Variants in TNK2 observed in about 807,000 individuals in gnomAD.
TNK2 encodes tyrosine kinase non receptor 2.
TNK2 carries 83 observed loss-of-function variants against 101.8 expected under a neutral mutation model. The ratio of observed to expected loss-of-function variants is 0.82; its 90% CI spans 0.68 to 0.98. TNK2 has a LOEUF of 0.98. TNK2 is among the 50% of genes least tolerant of loss of function. TNK2 has a pLI of 0.00. For missense variants in TNK2, 1,665 were observed against 1,483.2 expected (o/e 1.12, Z -2.01); for synonymous variants, 804 against 633.0 (o/e 1.27, Z -4.06).
intron 1 of TNK2, among the ~76,000 whole-genome samples, chr3:195,891,717 G>A (rs752051520): frequency 1.4e-4 from 22 of 152,098 alleles, no homozygotes; most frequent in Non-Finnish European, 2.2e-4. Context: ...AGGGAGAGCA[G>A]TCTCCAGGGC....
intron 1 of TNK2, chr3:195,895,520 C>T: frequency 7.4e-7 from 1 of 1,352,296 alleles, no homozygotes; most frequent in Non-Finnish European, 9.5e-7. Context: ...GGCCTGCGGC[C>T]ATTCCCTCCT....
At position 195,867,845 on chromosome 3, in the gene TNK2, A is replaced by G. The variant is rs1427575241; in HGVS notation, c.2453T>C (p.Leu818Pro). Reference sequence around the variant, plus strand: ...AGGTGAGCTTGAGAGCCGGGGTGGCAGCGGGGAGCTGCCAGGTGGTACCAG... The same window carrying G: ...AGGTGAGCTTGAGAGCCGGGGTGGCGGCGGGGAGCTGCCAGGTGGTACCAG... ...SPLVPPGSSPLPPRLSSSPGK... is the reference protein window; with the variant it reads ...SPLVPPGSSPPPPRLSSSPGK... Residue 818 changes from leucine (L) to proline (P), a missense_variant, in exon 13 of 16, where the codon CTG becomes CCG. By Grantham distance (98) the Leu-to-Pro change is moderately conservative. This residue lies in a region of TNK2 where 1,136 missense variants were observed against 894.9 expected (regional missense o/e 1.27). Coordinates refer to ENST00000672887, the MANE Select transcript of TNK2 (RefSeq NM_001382273.1). 4 of 1,533,986 alleles carry G rather than the reference A, an allele frequency of 2.6e-6. No homozygotes were observed. The highest frequency in any genetic ancestry group is 2.2e-5 in the Admixed American group (1 of 45,718).
At chr3:195,881,869 G>A (rs1403780712) in intron 6 of TNK2, among the ~76,000 whole-genome samples, 182 bp downstream of exon 6, 1 of 152,130 alleles carries the variant, frequency 6.6e-6, no homozygotes, top group East Asian at 1.9e-4. Flanking sequence ...CCTGGCACGT[G>A]GGCCCTCAAG....
At chr3:195,887,928 G>A (rs948785596) in intron 2 of TNK2, among the ~76,000 whole-genome samples, 13 of 142,996 alleles carry the variant, frequency 9.1e-5, no homozygotes, top group South Asian at 4.4e-4. Context: ...GTGCGTGCAC[G>A]TGTGTGCGCA....
chr3:195,886,873 A>G lies in TNK2; in HGVS notation c.234+104T>C. 1 of 1,298,960 alleles carries G rather than the reference A, an allele frequency of 7.7e-7. No individual in the cohort carries two copies. The highest frequency in any genetic ancestry group is 1.1e-6 in the Non-Finnish European group (1 of 894,488). The allele number at this position is 1,298,960 out of a possible 1,614,324, so 80.5% of individuals were successfully genotyped here. ...TGTACAAAGTGCCGGCAGAACGGCG[A>G]GATTCGACCTGCCGGGGAGCTGGGG... On this transcript the variant is annotated intron_variant, in intron 3 of 15. Transcript: ENST00000672887. The surrounding 1 kb of genome is among the most constrained non-coding windows in gnomAD (Gnocchi z 4.2).
intron 1 of TNK2, chr3:195,895,459 G>A (rs1050997216): frequency 2.1e-6 from 3 of 1,404,856 alleles, no homozygotes; most frequent in South Asian, 1.6e-5. Flanking sequence ...AGCCCCCATA[G>A]CCTCATCCGC....
Position 195,868,708 on chromosome 3 carries a change from T to C in TNK2, c.1590A>G (p.Lys530=). Residue 530 remains lysine, a splice_region_variant and synonymous_variant, in exon 13 of 16, where the codon AAA becomes AAG. Coordinates refer to ENST00000672887, the MANE Select transcript of TNK2 (RefSeq NM_001382273.1). ...RPPQPAFFTQ[K]PTYDPVSEDQ... ...CCTCGCTCACAGGGTCATAGGTTGG[T>C]TCTGTGATGGAAAGGGAGAGCCCAA... 12 of 1,559,432 alleles carry C rather than the reference T, an allele frequency of 7.7e-6. No homozygotes were observed. Among genetic ancestry groups the C allele is most frequent in the Non-Finnish European group, 6.0e-6 (7 of 1,162,634 alleles).
chr3:195,875,638 A>C (rs1748668950), intron 9 of TNK2, among the ~76,000 whole-genome samples: 2 of 130,998 alleles, frequency 1.5e-5, no homozygotes, highest in Admixed American at 1.5e-4. Flanking sequence ...CCTTCCTTCC[A>C]GGCCCGCCCT....
rs534924318 is a variant in TNK2 at position 195,882,451 on chromosome 3, G to A, written c.610-123C>T. ...AGAGCCAGGCTGCACGCACCTTCCTGGCCTGCTGTCTGGGGACCTCTAGGA... is the reference window on the plus strand; with the variant it reads ...AGAGCCAGGCTGCACGCACCTTCCTAGCCTGCTGTCTGGGGACCTCTAGGA... On this transcript the variant is annotated intron_variant, in intron 5 of 15. Coordinates refer to ENST00000672887, the MANE Select transcript of TNK2 (RefSeq NM_001382273.1). This position sits in a 1 kb window ranked among gnomAD's most constrained non-coding sequence, Gnocchi z 4.2. 8.4e-6 allele frequency: 13 copies of A among 1,553,546 alleles called. No homozygotes were observed. In the African/African-American group the frequency reaches 1.4e-4, roughly 16 times the overall value.
At position 195,888,291 on chromosome 3, in the gene TNK2, AC is replaced by A; in HGVS notation, c.163+134del. On this transcript the variant is annotated intron_variant, in intron 2 of 15. Transcript: ENST00000672887. This position sits in a 1 kb window ranked among gnomAD's most constrained non-coding sequence, Gnocchi z 5.3. ...CCAACTGTTCTCATCACACATCAGC[AC>A]CTACTGATGTCCCTCCTGCTCCCTC... 1 of 894,908 alleles carries A rather than the reference AC, an allele frequency of 1.1e-6. No homozygotes were observed. Among genetic ancestry groups the A allele is most frequent in the East Asian group, 2.6e-5 (1 of 38,770 alleles). 55.4% of individuals were successfully genotyped at this position (894,908 alleles called of 1,614,324 possible).
chr3:195,885,184 A>T lies in TNK2; in HGVS notation c.235-151T>A, dbSNP rs1389371271. ...ACTGTCAGTGGGGCAGCCTGGCTGG[A>T]GGCCCACACTCCGTCCAGGGCACAC... On this transcript the variant is annotated intron_variant, in intron 3 of 15. Transcript: ENST00000672887. This position sits in a 1 kb window ranked among gnomAD's most constrained non-coding sequence, Gnocchi z 4.7. 5 of 1,002,620 alleles carry T rather than the reference A, an allele frequency of 5.0e-6. No homozygotes were observed. The highest frequency in any genetic ancestry group is 7.2e-6 in the Non-Finnish European group (5 of 695,794). 62.1% of individuals were successfully genotyped at this position (1,002,620 alleles called of 1,614,324 possible). A position where few individuals can be genotyped will look rare whatever the true frequency, so the allele number is the denominator to read the frequency against.
intron 13 of TNK2, 22 bp downstream of exon 13, chr3:195,867,339 C>T (rs775736910): frequency 1.2e-6 from 2 of 1,608,080 alleles, no homozygotes; most frequent in African/African-American, 1.3e-5. Flanking sequence ...CCGCTTCGCC[C>T]ACAGCCAGGC....
In TNK2 at chr3:195,869,544, G is replaced by A. The variant is rs762244842; in HGVS notation, c.1544-3C>T. 9.0e-6 allele frequency: 14 copies of A among 1,551,064 alleles called. No individual in the cohort carries two copies. The African/African-American group carries it at 1.6e-4, about 18-fold the overall frequency. ...AGGTGGGCGAGGTGGAGGCTCCCCT[G>A]CAAGAAAGGCCATGCGGACAGGGGG... On this transcript the variant is annotated splice_polypyrimidine_tract_variant and splice_region_variant and intron_variant, in intron 11 of 15. Coordinates refer to ENST00000672887, the MANE Select transcript of TNK2 (RefSeq NM_001382273.1).
At position 195,863,834 on chromosome 3, in the gene TNK2, G is replaced by C. The variant is rs1036435873; in HGVS notation, c.*347C>G. On this transcript the variant is annotated 3_prime_UTR_variant, in exon 16 of 16. Transcript: ENST00000672887. ...TCCTCCCAGTCTGTCACCCAGGGCA[G>C]GGCCTGGGGGTACTACTCCACCCAC... The C allele has an allele frequency of 1.0e-5, 3 of 291,448 alleles. No individual in the cohort carries two copies. The highest frequency in any genetic ancestry group is 1.9e-5 in the Non-Finnish European group (3 of 156,568). 18.1% of individuals were successfully genotyped at this position (291,448 alleles called of 1,614,324 possible).
chr3:195,900,021 T>C (rs576800972), intron 1 of TNK2, among the ~76,000 whole-genome samples: 101 of 152,012 alleles, frequency 6.6e-4, no homozygotes, highest in African/African-American at 2.4e-3. Context: ...AGAGGGGCTG[T>C]CCATGTCATC....
chr3:195,890,771 T>C (rs1018930661), intron 1 of TNK2, among the ~76,000 whole-genome samples: 3 of 152,238 alleles, frequency 2.0e-5, no homozygotes, highest in South Asian at 4.1e-4. Context: ...ATGAAACTAC[T>C]GTGTAAACTT....
rs145862992 is a variant in TNK2, at chr3:195,866,951, G to T, written c.3099C>A (p.Phe1033Leu). Residue 1033 changes from phenylalanine to leucine, a missense_variant, in exon 15 of 16, where the codon TTC becomes TTA. Phe to Leu is a conservative substitution (Grantham distance 22). This residue lies in a region of TNK2 where 1,136 missense variants were observed against 894.9 expected (regional missense o/e 1.27). Coordinates refer to ENST00000672887, the MANE Select transcript of TNK2 (RefSeq NM_001382273.1). ...RGECHKVLEM[F>L]DWNLEQAGCH... is the part of the protein sequence containing the mutation. ...AGCCGGCCTGCTCCAGGTTCCAGTC[G>T]AACATCTCCAGCACTTTGTGGCACT... 1.3e-4 allele frequency: 203 copies of T among 1,613,000 alleles called. No homozygotes were observed. In the African/African-American group the frequency reaches 2.5e-3, roughly 20 times the overall value.
At chr3:195,907,748 T>C (rs1761889118) in intron 1 of TNK2, among the ~76,000 whole-genome samples, 1 of 152,172 alleles carries the variant, frequency 6.6e-6, no homozygotes, top group Non-Finnish European at 1.5e-5. Context: ...GCAGAGCCCA[T>C]GATACCACAG....
chr3:195,883,133 C>A, intron 5 of TNK2, 24 bp downstream of exon 5: 1 of 1,594,818 alleles, frequency 6.3e-7, no homozygotes, highest in Non-Finnish European at 8.5e-7. Flanking sequence ...TCCCTGCCCG[C>A]CCCCTCCCGC....
Sources: allele counts gnomAD v4.1 joint callset (sites outside exome capture counted in the v4.1 genomes callset), GRCh38; gene constraint gnomAD v4.1.1; regional missense constraint gnomAD v4.1.1; non-coding constraint Gnocchi (gnomAD v3.1); transcripts MANE v1.5; gene names NCBI Gene and HGNC (gene_info 2026-07-23, HGNC 2026-07-21).